Variants in TASOR observed in about 807,000 individuals in gnomAD.
TASOR encodes transcription activation suppressor.
In TASOR, 53 loss-of-function variants were observed where a neutral mutation model predicts 178.6. That is an observed-to-expected ratio of 0.30 (90% CI 0.24 to 0.37). The LOEUF (loss-of-function observed/expected upper bound fraction) is 0.37, where lower values mean the gene tolerates loss of function less well. Ranked by LOEUF, TASOR falls within the 10% of genes least tolerant of loss-of-function variation. TASOR has a pLI of 1.00. For synonymous variants in TASOR, 713 were observed against 696.2 expected (o/e 1.02, Z -0.38); for missense variants, 1,815 against 1,971.4 (o/e 0.92, Z 1.50).
Position 56,620,382 on chromosome 3 carries a change from T to A in TASOR, c.*2655A>T, listed in dbSNP as rs745699993. The A allele has an allele frequency of 6.5e-6, 1 of 153,052 alleles. No individual in the cohort carries two copies. The highest frequency in any genetic ancestry group is 6.5e-5 in the Admixed American group (1 of 15,396). 9.5% of individuals were successfully genotyped at this position (153,052 alleles called of 1,614,324 possible). On this transcript the variant is annotated 3_prime_UTR_variant, in exon 24 of 24. Coordinates refer to ENST00000683822, the MANE Select transcript of TASOR (RefSeq NM_001365635.2). ...TACTACTTTTTCTCCCAAACTATTG[T>A]GACTTCTTTTTGCTCTCTGATTAAA...
At chr3:56,674,564 C>A (rs1056549880) in intron 1 of TASOR, among the ~76,000 whole-genome samples, 3 of 152,066 alleles carry the variant, frequency 2.0e-5, no homozygotes, top group Admixed American at 2.0e-4. Context: ...GTATAATCCA[C>A]AAAAAGTAGT....
chr3:56,649,192 A>G (rs2077298824), intron 11 of TASOR, 135 bp from the exon 12 acceptor site: 1 of 530,434 alleles, frequency 1.9e-6, no homozygotes, highest in Non-Finnish European at 3.2e-6. Flanking sequence ...TTGCTAATGA[A>G]TTAGTTAATT....
chr3:56,671,484 C>A, intron 3 of TASOR, 116 bp downstream of exon 3: 1 of 667,576 alleles, frequency 1.5e-6, no homozygotes, highest in Non-Finnish European at 2.4e-6. Flanking sequence ...ATCATGTATT[C>A]CACTTATATA....
intron 1 of TASOR, among the ~76,000 whole-genome samples, chr3:56,678,418 TGATTCGCCCACCTC>T (rs1220863303): frequency 1.3e-5 from 2 of 151,782 alleles, no homozygotes; most frequent in African/African-American, 4.8e-5. Flanking sequence ...CCTGACCTCG[TGATTCGCCCACCTC>T]GGCCTCTCAA....
Position 56,638,755 on chromosome 3 carries a change from T to C in TASOR, c.2775A>G (p.Ala925=). ...WKLIPITGGN[A]RSPEDQLGKH... Reference sequence around the variant, plus strand: ...TCCCCAGCTGGTCTTCTGGGCTTCTTGCATTCCCTCCTGAGGGAAAGCATC... The same window carrying C: ...TCCCCAGCTGGTCTTCTGGGCTTCTCGCATTCCCTCCTGAGGGAAAGCATC... Residue 925 remains alanine (A), a synonymous_variant, in exon 17 of 24, where the codon GCA becomes GCG. Transcript: ENST00000683822. The C allele has an allele frequency of 6.2e-7, 1 of 1,614,164 alleles. No homozygotes were observed. Among genetic ancestry groups the C allele is most frequent in the Non-Finnish European group, 8.5e-7 (1 of 1,179,994 alleles).
At chr3:56,639,340 C>T (rs1015360116) in intron 16 of TASOR, among the ~76,000 whole-genome samples, 5 of 151,612 alleles carry the variant, frequency 3.3e-5, no homozygotes, top group African/African-American at 1.2e-4. Context: ...TGAGTAACAA[C>T]TTGGAATATT....
At position 56,633,772 on chromosome 3, in the gene TASOR, C is replaced by G; in HGVS notation, c.3019G>C (p.Glu1007Gln). 1 of 1,614,216 alleles carries G rather than the reference C, an allele frequency of 6.2e-7. No homozygotes were observed. The highest frequency in any genetic ancestry group is 8.5e-7 in the Non-Finnish European group (1 of 1,180,038). ...TCGCTCACTGCAGGCGGCTCTGCCT[C>G]TGCTGCTGGCACACACTGCTCCTCC... is the stretch of plus-strand genomic sequence containing the variant. ...QVEEQCVPAA[E>Q]AEPPAVSETT... Residue 1007 changes from glutamate (E) to glutamine (Q), a missense_variant, in exon 18 of 24, where the codon GAG becomes CAG. By Grantham distance (29) the Glu-to-Gln change is conservative. Transcript: ENST00000683822.
intron 14 of TASOR, among the ~76,000 whole-genome samples, chr3:56,643,187 C>T (rs2077163351): frequency 6.6e-6 from 1 of 150,820 alleles, no homozygotes; most frequent in Admixed American, 6.6e-5. Context: ...TCGCTTAACC[C>T]AGGAGGCAGA....
At chr3:56,627,236 A>G (rs760770228) in intron 20 of TASOR, 91 bp from the exon 21 acceptor site, 66 of 749,760 alleles carry the variant, frequency 8.8e-5, no homozygotes, top group Non-Finnish European at 1.3e-4. Flanking sequence ...ATTATGTAGA[A>G]ACACCTACTT....
intron 13 of TASOR, among the ~76,000 whole-genome samples, chr3:56,647,566 A>G (rs1180015033): frequency 6.6e-6 from 1 of 152,198 alleles, no homozygotes; most frequent in Non-Finnish European, 1.5e-5. Context: ...CAGAGACAGA[A>G]CAAGATCTGA....
intron 11 of TASOR, among the ~76,000 whole-genome samples, chr3:56,656,044 C>G (rs2077461670): frequency 6.6e-6 from 1 of 152,136 alleles, no homozygotes; most frequent in Non-Finnish European, 1.5e-5. Context: ...TATTTTCAGA[C>G]AACAGCTGAC....
intron 17 of TASOR, among the ~76,000 whole-genome samples, chr3:56,634,512 C>T (rs777110655): frequency 6.6e-6 from 1 of 152,100 alleles, no homozygotes; most frequent in Non-Finnish European, 1.5e-5. Flanking sequence ...TTCTCACTTA[C>T]GAGGTTGCTA....
Position 56,628,622 on chromosome 3 carries a change from A to G in TASOR, c.3748-8T>C. The G allele has an allele frequency of 6.6e-7, 1 of 1,518,796 alleles. No individual in the cohort carries two copies. The highest frequency in any genetic ancestry group is 9.0e-7 in the Non-Finnish European group (1 of 1,115,966). The allele number at this position is 1,518,796 out of a possible 1,614,324, so 94.1% of individuals were successfully genotyped here. Reference sequence around the variant, plus strand: ...TAATTTGATAAGATATTCCTGTTAAAGAAAAACAACTAAATCAATATTAAA... The same window carrying G: ...TAATTTGATAAGATATTCCTGTTAAGGAAAAACAACTAAATCAATATTAAA... On this transcript the variant is annotated splice_polypyrimidine_tract_variant and splice_region_variant and intron_variant, in intron 18 of 23. Transcript: ENST00000683822.
At chr3:56,668,616 A>T (rs1370646944) in intron 5 of TASOR, 58 bp from the exon 6 acceptor site, 6 of 1,178,598 alleles carry the variant, frequency 5.1e-6, no homozygotes, top group African/African-American at 1.6e-5. Flanking sequence ...ACTATATAAC[A>T]TTAATATTAT....
chr3:56,675,598 G>A (rs1287882761), intron 1 of TASOR, among the ~76,000 whole-genome samples: 2 of 152,112 alleles, frequency 1.3e-5, no homozygotes, highest in Admixed American at 6.5e-5. Flanking sequence ...ACACCTAAAA[G>A]TCTATACATA....
Position 56,646,728 on chromosome 3 carries a change from G to A in TASOR, c.2009C>T (p.Ser670Leu). 1 of 1,613,770 alleles carries A rather than the reference G, an allele frequency of 6.2e-7. No homozygotes were observed. Among genetic ancestry groups the A allele is most frequent in the Non-Finnish European group, 8.5e-7 (1 of 1,179,872 alleles). ...CTTATCATAATCCAAAGAATGAGAT[G>A]ATCTTTGCTTTCCAGATATAATGGC... ...GEAIISGKQR[S>L]SHSLDYDKDR... The change falls in exon 14 of 24, where the codon TCA becomes TTA. Residue 670 changes from serine (S) to leucine (L), a missense_variant. Physicochemically the swap from Ser to Leu is moderately radical, Grantham distance 145. Around this residue, in one of 5 missense-constraint regions of TASOR, gnomAD observed 504 missense variants for 645.3 expected, o/e 0.78. Coordinates refer to ENST00000683822, the MANE Select transcript of TASOR (RefSeq NM_001365635.2).
intron 1 of TASOR, among the ~76,000 whole-genome samples, chr3:56,680,033 T>C (rs2107646983): frequency 6.6e-6 from 1 of 152,284 alleles, no homozygotes; most frequent in African/African-American, 2.4e-5. Context: ...TATTTCTATA[T>C]TTAATGAAGG....
chr3:56,628,434 G>A, intron 19 of TASOR, 58 bp downstream of exon 19: 1 of 1,476,466 alleles, frequency 6.8e-7, no homozygotes, highest in Non-Finnish European at 9.3e-7. Context: ...CAGACAGTAA[G>A]ATTTTAAAAT....
Position 56,620,633 on chromosome 3 carries a change from T to C in TASOR, c.*2404A>G, listed in dbSNP as rs2107482886. ...CTAGAAAATTGTCCCCCCACTTTGG[T>C]CTATTTACTCATTTGAAGACAAACA... On this transcript the variant is annotated 3_prime_UTR_variant, in exon 24 of 24. Coordinates refer to ENST00000683822, the MANE Select transcript of TASOR (RefSeq NM_001365635.2). 1 of 152,352 alleles carries C rather than the reference T, an allele frequency of 6.6e-6. No homozygotes were observed. Among genetic ancestry groups the C allele is most frequent in the South Asian group, 2.1e-4 (1 of 4,828 alleles). The allele number at this position is 152,352 out of a possible 1,614,324, so 9.4% of individuals were successfully genotyped here.
Sources: gnomAD v4.1 joint callset for allele counts (sites outside exome capture counted in the v4.1 genomes callset) on GRCh38, gnomAD v4.1.1 for gene constraint, gnomAD v4.1.1 regional missense constraint, MANE v1.5 for transcripts, NCBI Gene and HGNC (gene_info 2026-07-23, HGNC 2026-07-21) for gene names.